The following LMNTD1 variants were observed in gnomAD, a reference collection of about 807,000 sequenced individuals.
The protein encoded by LMNTD1 is lamin tail domain-containing protein 1.
LMNTD1 carries 35 observed loss-of-function variants against 50.9 expected under a neutral mutation model. The ratio of observed to expected loss-of-function variants is 0.69; its 90% CI spans 0.53 to 0.91. The LOEUF is 0.91. Ranked by LOEUF, LMNTD1 falls within the 40% of genes least tolerant of loss-of-function variation. The probability of loss-of-function intolerance (pLI) is 0.00; values close to 1 mark genes in which losing one functional copy is unlikely to be tolerated. For missense variants in LMNTD1, 470 were observed against 475.5 expected (o/e 0.99, Z 0.11); for synonymous variants, 153 against 161.9 (o/e 0.94, Z 0.42).
At chr12:25,625,649 C>T (rs369383478) in intron 1 of LMNTD1, among the ~76,000 whole-genome samples, 16 of 152,288 alleles carry the variant, frequency 1.1e-4, no homozygotes, top group African/African-American at 3.4e-4. Flanking sequence ...TCAGACTCCC[C>T]GGCTTACTAC....
intron 1 of LMNTD1, among the ~76,000 whole-genome samples, chr12:25,638,801 T>C (rs928895622): frequency 2.6e-5 from 4 of 152,138 alleles, no homozygotes; most frequent in African/African-American, 9.6e-5. Flanking sequence ...GCCTTTTTCT[T>C]TGCAGAAACT....
chr12:25,605,875 T>C (rs1444976094), intron 1 of LMNTD1, among the ~76,000 whole-genome samples: 1 of 152,212 alleles, frequency 6.6e-6, no homozygotes, highest in Admixed American at 6.5e-5. Flanking sequence ...ATGAAGAAAG[T>C]CATTGGTAGC....
chr12:25,563,122 T>G (rs755494823), intron 1 of LMNTD1, among the ~76,000 whole-genome samples: 8 of 152,244 alleles, frequency 5.3e-5, no homozygotes, highest in Non-Finnish European at 7.3e-5. Flanking sequence ...TTACCAATCA[T>G]CTGAAGCCTT....
At chr12:25,489,611 G>A (rs2340441) in intron 9 of LMNTD1, among the ~76,000 whole-genome samples, 34,122 of 151,318 alleles carry the variant, frequency 0.23, 4,553 homozygotes, top group East Asian at 0.66. Flanking sequence ...GCTGGGAGCT[G>A]TAGACCGGAG....
At chr12:25,532,468 C>T (rs1942293127) in intron 4 of LMNTD1, among the ~76,000 whole-genome samples, 1 of 152,054 alleles carries the variant, frequency 6.6e-6, no homozygotes, top group Non-Finnish European at 1.5e-5. Flanking sequence ...TGAGAAAAAC[C>T]TCTAACTTCT....
intron 1 of LMNTD1, among the ~76,000 whole-genome samples, chr12:25,633,994 G>A (rs1946771298): frequency 1.3e-5 from 2 of 152,124 alleles, no homozygotes; most frequent in African/African-American, 2.4e-5. Flanking sequence ...AAATGAAATG[G>A]GGGATATTAC....
intron 4 of LMNTD1, among the ~76,000 whole-genome samples, chr12:25,538,921 A>G (rs1167294449): frequency 1.4e-5 from 2 of 143,878 alleles, no homozygotes; most frequent in African/African-American, 2.6e-5. Context: ...AGGGGTTGCA[A>G]TCCTAGTCTC....
chr12:25,526,079 G>C lies in LMNTD1; in HGVS notation c.798+20C>G. 1 of 1,525,838 alleles carries C rather than the reference G, an allele frequency of 6.6e-7. No individual in the cohort carries two copies. Among genetic ancestry groups the C allele is most frequent in the Non-Finnish European group, 8.8e-7 (1 of 1,138,430 alleles). The allele number at this position is 1,525,838 out of a possible 1,614,324, so 94.5% of individuals were successfully genotyped here. ...CAATATTTAAAAAAAAAAAACGATTGTTAAGAACCAGAAACTAACTTGACC... is the reference window on the plus strand; with the variant it reads ...CAATATTTAAAAAAAAAAAACGATTCTTAAGAACCAGAAACTAACTTGACC... On this transcript the variant is annotated intron_variant, in intron 6 of 9. Transcript: ENST00000458174.
intron 1 of LMNTD1, among the ~76,000 whole-genome samples, chr12:25,614,161 G>T (rs1459359463): frequency 6.6e-6 from 1 of 152,102 alleles, no homozygotes; most frequent in Admixed American, 6.6e-5. Flanking sequence ...CTGACTGAAG[G>T]GTGGGGTAAG....
intron 1 of LMNTD1, among the ~76,000 whole-genome samples, chr12:25,608,952 G>A (rs1354545327): frequency 6.6e-6 from 1 of 152,148 alleles, no homozygotes; most frequent in African/African-American, 2.4e-5. Flanking sequence ...TCACTTTCAG[G>A]TACACCAATC....
chr12:25,642,447 A>G (rs1296574499), intron 1 of LMNTD1, among the ~76,000 whole-genome samples: 1 of 152,164 alleles, frequency 6.6e-6, no homozygotes, highest in African/African-American at 2.4e-5. Context: ...GGCCCTCACT[A>G]AGAACCCAAC....
intron 8 of LMNTD1, among the ~76,000 whole-genome samples, chr12:25,508,441 A>G (rs1939990932): frequency 6.6e-6 from 1 of 152,162 alleles, no homozygotes; most frequent in African/African-American, 2.4e-5. Flanking sequence ...ATTCACTGAT[A>G]TTATTGCATG....
intron 4 of LMNTD1, among the ~76,000 whole-genome samples, chr12:25,543,971 T>C (rs1943265512): frequency 1.3e-5 from 2 of 151,962 alleles, no homozygotes. Context: ...TTTACTTTTT[T>C]GATATTTGTT....
intron 9 of LMNTD1, chr12:25,499,745 AAAAAC>A (rs1462640855): frequency 1.3e-5 from 2 of 151,586 alleles, no homozygotes; most frequent in African/African-American, 4.8e-5. Context: ...AGAAAAAAAA[AAAAAC>A]AAAAACAAGC....
intron 9 of LMNTD1, among the ~76,000 whole-genome samples, chr12:25,489,172 G>C (rs371239859): frequency 2.6e-5 from 4 of 151,948 alleles, no homozygotes; most frequent in Non-Finnish European, 5.9e-5. Flanking sequence ...CGAGCTTCCC[G>C]GCTGCTTTGT....
upstream of LMNTD1, chr12:25,553,296 T>A: frequency 7.1e-7 from 1 of 1,401,080 alleles, no homozygotes; most frequent in South Asian, 1.6e-5. Flanking sequence ...TTGTTGCTTC[T>A]GGCCAACACT....
chr12:25,610,516 A>G (rs936473784), intron 1 of LMNTD1, among the ~76,000 whole-genome samples: 3 of 152,148 alleles, frequency 2.0e-5, no homozygotes, highest in Admixed American at 6.5e-5. Flanking sequence ...TGGACAACAC[A>G]AGGCTATTAA....
chr12:25,543,576 A>G (rs1206410421), intron 4 of LMNTD1, among the ~76,000 whole-genome samples: 1 of 151,254 alleles, frequency 6.6e-6, no homozygotes, highest in East Asian at 1.9e-4. Context: ...TTTGGTCTCA[A>G]TTTCATTTAT....
chr12:25,604,795 C>T (rs1946059169), intron 1 of LMNTD1, among the ~76,000 whole-genome samples: 1 of 152,136 alleles, frequency 6.6e-6, no homozygotes. Flanking sequence ...GTGAACAGCG[C>T]TGCAATAAAC....
Sources: gnomAD v4.1 joint callset for allele counts (sites outside exome capture counted in the v4.1 genomes callset) on GRCh38, gnomAD v4.1.1 for gene constraint, MANE v1.5 for transcripts, NCBI Gene and HGNC (gene_info 2026-07-23, HGNC 2026-07-21) for gene names.